SYNDIG1: variants seen among roughly 807,000 people sequenced by gnomAD.
SYNDIG1 encodes synapse differentiation-inducing gene protein 1.
Under a neutral mutation model 19.4 loss-of-function variants are expected in SYNDIG1, and 9 were observed. The observed-to-expected ratio is 0.46, with a 90% CI of 0.28 to 0.81. The LOEUF (loss-of-function observed/expected upper bound fraction) is 0.81, where lower values mean the gene tolerates loss of function less well. Ranked by LOEUF, SYNDIG1 falls within the 30% of genes least tolerant of loss-of-function variation. SYNDIG1 has a pLI of 0.12. For missense variants in SYNDIG1, 311 were observed against 343.3 expected (o/e 0.91, Z 0.74); for synonymous variants, 141 against 145.9 (o/e 0.97, Z 0.24).
chr20:24,637,570 C>A lies in SYNDIG1; in HGVS notation c.619-27776C>A, dbSNP rs567115281. Reference sequence around the variant, plus strand: ...CTCCAGACTTCTGCCACAGAGAAGACCCTTCTAAAATGCTGATATTCCTAG... The same window carrying A: ...CTCCAGACTTCTGCCACAGAGAAGAACCTTCTAAAATGCTGATATTCCTAG... On this transcript the variant is annotated intron_variant, in intron 3 of 3. Coordinates refer to ENST00000376862, the MANE Select transcript of SYNDIG1 (RefSeq NM_024893.3). Among the ~76,000 whole-genome samples, 17 of 152,294 alleles carry A rather than the reference C, an allele frequency of 1.1e-4. No individual in the cohort carries two copies. The South Asian group carries it at 3.5e-3, about 32-fold the overall frequency.
chr20:24,633,811 T>C (rs1649861622), intron 3 of SYNDIG1, among the ~76,000 whole-genome samples: 1 of 152,010 alleles, frequency 6.6e-6, no homozygotes, highest in South Asian at 2.1e-4. Context: ...TGGACCAGGC[T>C]CTTGGTTAGG....
intron 2 of SYNDIG1, among the ~76,000 whole-genome samples, chr20:24,564,710 C>A (rs139970164): frequency 1.2e-4 from 18 of 152,314 alleles, no homozygotes; most frequent in Admixed American, 3.3e-4. Context: ...TCTGATTCAT[C>A]TGGAAGAAGC....
At chr20:24,638,469 C>T (rs1252905047) in intron 3 of SYNDIG1, among the ~76,000 whole-genome samples, 1 of 152,170 alleles carries the variant, frequency 6.6e-6, no homozygotes, top group Non-Finnish European at 1.5e-5. Flanking sequence ...ATTCTCCCAT[C>T]TCAGCCCCTT....
intron 2 of SYNDIG1, among the ~76,000 whole-genome samples, chr20:24,560,666 C>T (rs1433978839): frequency 6.8e-6 from 1 of 147,582 alleles, no homozygotes; most frequent in East Asian, 2.0e-4. Flanking sequence ...TGCCCCTGCC[C>T]TGCCCCCGAG....
intron 2 of SYNDIG1, among the ~76,000 whole-genome samples, chr20:24,555,565 C>T (rs1188956039): frequency 6.6e-6 from 1 of 152,162 alleles, no homozygotes; most frequent in Non-Finnish European, 1.5e-5. Context: ...ATTATGTACG[C>T]AGTAGTCATT....
chr20:24,607,360 CAAA>C (rs59085965), intron 3 of SYNDIG1, among the ~76,000 whole-genome samples: 17 of 107,450 alleles, frequency 1.6e-4, no homozygotes, highest in African/African-American at 2.1e-4. Context: ...GACTCCGTCT[CAAA>C]AAAAAAAAAA....
intron 3 of SYNDIG1, among the ~76,000 whole-genome samples, chr20:24,650,668 T>C (rs1199019121): frequency 6.6e-6 from 1 of 152,246 alleles, no homozygotes; most frequent in East Asian, 1.9e-4. Flanking sequence ...CGTTCCAGCG[T>C]GCTCTTGCCA....
At chr20:24,590,078 A>C (rs1489853057) in intron 3 of SYNDIG1, among the ~76,000 whole-genome samples, 1 of 152,226 alleles carries the variant, frequency 6.6e-6, no homozygotes, top group Non-Finnish European at 1.5e-5. Context: ...ACTGGCTATT[A>C]GCTGCGGATG....
chr20:24,492,475 C>T (rs1007606038), intron 1 of SYNDIG1, among the ~76,000 whole-genome samples: 1 of 152,210 alleles, frequency 6.6e-6, no homozygotes, highest in Non-Finnish European at 1.5e-5. Flanking sequence ...AACAAAACCT[C>T]ACGGTGGCTC....
At chr20:24,478,639 CT>C (rs1445355679) in intron 1 of SYNDIG1, among the ~76,000 whole-genome samples, 1 of 152,244 alleles carries the variant, frequency 6.6e-6, no homozygotes, top group Non-Finnish European at 1.5e-5. Context: ...ACAGCTCCAG[CT>C]TCCAGCAAGC....
chr20:24,472,660 G>C (rs979830074), intron 1 of SYNDIG1, among the ~76,000 whole-genome samples: 1 of 152,192 alleles, frequency 6.6e-6, no homozygotes, highest in Non-Finnish European at 1.5e-5. Flanking sequence ...AAGGCTCTGT[G>C]CTTGCTGAGA....
intron 2 of SYNDIG1, among the ~76,000 whole-genome samples, chr20:24,550,597 C>T (rs2057687149): frequency 6.6e-6 from 1 of 151,966 alleles, no homozygotes; most frequent in East Asian, 1.9e-4. Context: ...CAAGCTCTGC[C>T]TCCCGGGTTC....
intron 1 of SYNDIG1, among the ~76,000 whole-genome samples, chr20:24,536,207 C>T (rs2057358630): frequency 6.6e-6 from 1 of 152,108 alleles, no homozygotes; most frequent in Non-Finnish European, 1.5e-5. Context: ...GCCTGGGAGC[C>T]CAGATGACCA....
chr20:24,601,431 A>G (rs1466442672), intron 3 of SYNDIG1, among the ~76,000 whole-genome samples: 1 of 152,150 alleles, frequency 6.6e-6, no homozygotes, highest in African/African-American at 2.4e-5. Context: ...TTGAGCCTGG[A>G]CTTCTCATCA....
chr20:24,518,878 C>G (rs890385052), intron 1 of SYNDIG1, among the ~76,000 whole-genome samples: 3 of 152,230 alleles, frequency 2.0e-5, no homozygotes, highest in Admixed American at 6.5e-5. Context: ...ACCATCACCA[C>G]CTGTCTTCTG....
At chr20:24,664,831 T>A (rs759135084) in intron 3 of SYNDIG1, among the ~76,000 whole-genome samples, 3 of 152,096 alleles carry the variant, frequency 2.0e-5, no homozygotes, top group African/African-American at 4.8e-5. Context: ...GTTTTCATGA[T>A]CTTATGCCGG....
chr20:24,582,942 C>T (rs2058354614), intron 2 of SYNDIG1, among the ~76,000 whole-genome samples: 1 of 152,204 alleles, frequency 6.6e-6, no homozygotes, highest in African/African-American at 2.4e-5. Flanking sequence ...TGGAGTGGCA[C>T]TTCAGGTCCC....
chr20:24,600,938 C>T (rs974181365), intron 3 of SYNDIG1, among the ~76,000 whole-genome samples: 1 of 151,664 alleles, frequency 6.6e-6, no homozygotes, highest in Non-Finnish European at 1.5e-5. Context: ...TTCCTTACTG[C>T]ACTTGCAAAG....
intron 2 of SYNDIG1, among the ~76,000 whole-genome samples, chr20:24,572,667 G>A (rs2058164016): frequency 6.6e-6 from 1 of 152,184 alleles, no homozygotes; most frequent in African/African-American, 2.4e-5. Context: ...GCCTCTTAAA[G>A]GAAGAGATAC....
Sources: allele counts gnomAD v4.1 joint callset (sites outside exome capture counted in the v4.1 genomes callset), GRCh38; gene constraint gnomAD v4.1.1; transcripts MANE v1.5; gene names NCBI Gene and HGNC (gene_info 2026-07-23, HGNC 2026-07-21).